FXYD5: variants seen among roughly 807,000 people sequenced by gnomAD.
The protein encoded by FXYD5 is FXYD domain-containing ion transport regulator 5.
In FXYD5, 21 loss-of-function variants were observed where a neutral mutation model predicts 25.7. That is an observed-to-expected ratio of 0.82 (90% confidence interval 0.58 to 1.18). The LOEUF is 1.18. Among genes scored for constraint, FXYD5 ranks in the 50% most tolerant of loss-of-function variants. The pLI, the probability that FXYD5 is intolerant of heterozygous loss-of-function variation, is 0.00. For missense variants in FXYD5, 229 were observed against 227.7 expected, an observed-to-expected ratio of 1.01 and a Z score of -0.04; for synonymous variants, 101 against 90.7, an observed-to-expected ratio of 1.11 and a Z score of -0.64.
chr19:35,155,439 GA>G, intron 1 of FXYD5, 111 bp from the exon 2 acceptor site: 1 of 877,232 alleles, frequency 1.1e-6, no homozygotes, highest in Non-Finnish European at 1.9e-6. Context: ...GGGGGTCTTG[GA>G]AGCCAGAGGT....
At chr19:35,163,441 A>G (rs1271340253) in intron 5 of FXYD5, among the ~76,000 whole-genome samples, 11 of 142,612 alleles carry the variant, frequency 7.7e-5, no homozygotes, top group Admixed American at 7.0e-4. Context: ...ATCCTTTGGT[A>G]TTTTCGGTCT....
intron 6 of FXYD5, among the ~76,000 whole-genome samples, chr19:35,164,507 T>C (rs2065434072): frequency 2.0e-5 from 3 of 152,206 alleles, no homozygotes; most frequent in African/African-American, 4.8e-5. Context: ...TTTCTGCAAT[T>C]TGGAAATCTA....
At chr19:35,160,136 G>C (rs1478018700) in intron 4 of FXYD5, 1 of 168,500 alleles carries the variant, frequency 5.9e-6, no homozygotes, top group African/African-American at 2.4e-5. Context: ...TTGAGCCCAA[G>C]AGTTCAAGGC....
At chr19:35,158,824 T>C (rs567462026) in intron 4 of FXYD5, among the ~76,000 whole-genome samples, 3 of 152,200 alleles carry the variant, frequency 2.0e-5, no homozygotes, top group South Asian at 4.1e-4. Flanking sequence ...TTTCTTGAAG[T>C]ATAATTCAAA....
intron 3 of FXYD5, among the ~76,000 whole-genome samples, chr19:35,157,798 A>G (rs897062453): frequency 3.3e-5 from 5 of 152,154 alleles, no homozygotes; most frequent in African/African-American, 1.2e-4. Flanking sequence ...AATCCCAGCA[A>G]GAGAATTTCC....
intron 3 of FXYD5, among the ~76,000 whole-genome samples, chr19:35,158,119 C>T (rs1000117363): frequency 6.6e-6 from 1 of 152,106 alleles, no homozygotes; most frequent in Non-Finnish European, 1.5e-5. Context: ...GCCAGCATCT[C>T]GAAGAAGGAG....
chr19:35,161,239 C>CAT (rs2065402476), intron 5 of FXYD5, among the ~76,000 whole-genome samples: 1 of 141,956 alleles, frequency 7.0e-6, no homozygotes, highest in Non-Finnish European at 1.5e-5. Context: ...CACACACACA[C>CAT]ACACACACAA....
chr19:35,167,681 G>A lies in FXYD5; in HGVS notation c.487+1356G>A, dbSNP rs113144854. 5.7e-3 allele frequency among the ~76,000 whole-genome samples: 874 copies of A among 152,302 alleles called. 4 individuals are homozygous for A. The highest frequency in any genetic ancestry group is 0.019 in the East Asian group (98 of 5,192). On this transcript the variant is annotated intron_variant, in intron 8 of 8. Coordinates refer to ENST00000392219, the MANE Select transcript of FXYD5 (RefSeq NM_014164.6). ...TGTCCAACTTCCTCATCAAGAAAAT[G>A]AGCATAGCCACATCTTTTTTTGCCT... is the stretch of plus-strand genomic sequence containing the variant.
intron 4 of FXYD5, among the ~76,000 whole-genome samples, chr19:35,159,290 G>A (rs956636999): frequency 3.9e-5 from 6 of 152,116 alleles, no homozygotes; most frequent in African/African-American, 1.2e-4. Context: ...TCTCTGAGAG[G>A]TCCCCACTGT....
intron 4 of FXYD5, chr19:35,159,800 C>T (rs1009644266): frequency 4.5e-6 from 4 of 887,862 alleles, no homozygotes; most frequent in African/African-American, 3.4e-5. Flanking sequence ...CAAGGTCTCA[C>T]AACAAGTCAG....
intron 8 of FXYD5, 31 bp from the exon 9 acceptor site, chr19:35,169,535 C>T (rs759626822): frequency 6.5e-7 from 1 of 1,539,382 alleles, no homozygotes; most frequent in South Asian, 1.1e-5. Flanking sequence ...ATCACTCTAG[C>T]TCGTGACTGA....
At chr19:35,159,768 C>G (rs2065388538) in intron 4 of FXYD5, 1 of 1,211,536 alleles carries the variant, frequency 8.3e-7, no homozygotes, top group Non-Finnish European at 1.1e-6. Flanking sequence ...GACAAGGAAA[C>G]AGAGGCTGTG....
At chr19:35,162,884 G>A (rs1442896139) in intron 5 of FXYD5, among the ~76,000 whole-genome samples, 3 of 152,234 alleles carry the variant, frequency 2.0e-5, no homozygotes, top group Admixed American at 6.5e-5. Context: ...AGGAGGAAGA[G>A]TGCTGAGCAG....
At chr19:35,161,503 T>C (rs944310300) in intron 5 of FXYD5, among the ~76,000 whole-genome samples, 1 of 152,202 alleles carries the variant, frequency 6.6e-6, no homozygotes, top group African/African-American at 2.4e-5. Flanking sequence ...TTGACTCTCA[T>C]TGGTTCAGCT....
chr19:35,158,283 C>A (rs2065374611), intron 3 of FXYD5, 61 bp from the exon 4 acceptor site: 6 of 1,047,356 alleles, frequency 5.7e-6, no homozygotes, highest in Non-Finnish European at 9.1e-6. Flanking sequence ...CACCCATAGA[C>A]CTTGCCCACT....
At chr19:35,168,142 C>T (rs2065467187) in intron 8 of FXYD5, among the ~76,000 whole-genome samples, 1 of 151,692 alleles carries the variant, frequency 6.6e-6, no homozygotes, top group African/African-American at 2.4e-5. Context: ...TGAACGTTAG[C>T]TCTGGGGCCA....
chr19:35,166,047 G>T, intron 6 of FXYD5, 95 bp from the exon 7 acceptor site: 1 of 1,153,876 alleles, frequency 8.7e-7, no homozygotes, highest in East Asian at 2.3e-5. Context: ...TGTTCTAAGG[G>T]TACCCAGGTA....
chr19:35,163,498 T>C (rs1405258087), intron 5 of FXYD5, among the ~76,000 whole-genome samples: 1 of 152,052 alleles, frequency 6.6e-6, no homozygotes, highest in African/African-American at 2.4e-5. Flanking sequence ...GTTGTTGTTT[T>C]TGAGACAGAG....
At chr19:35,157,681 C>T in intron 3 of FXYD5, 180 bp downstream of exon 3, 4 of 486,406 alleles carry the variant, frequency 8.2e-6, no homozygotes, top group Non-Finnish European at 1.5e-5. Flanking sequence ...CCTCTCTCCA[C>T]CTCTTGGTTC....
Sources: gnomAD v4.1 joint callset for allele counts (sites outside exome capture counted in the v4.1 genomes callset) on GRCh38, gnomAD v4.1.1 for gene constraint, MANE v1.5 for transcripts, NCBI Gene and HGNC (gene_info 2026-07-23, HGNC 2026-07-21) for gene names.